Variants in BNC2 observed in about 807,000 individuals in gnomAD.
The protein encoded by BNC2 is basonuclin zinc finger protein 2.
In BNC2, 20 loss-of-function variants were observed where a neutral mutation model predicts 76.3. That is an observed-to-expected ratio of 0.26 (90% CI 0.18 to 0.38). The LOEUF (loss-of-function observed/expected upper bound fraction) is 0.38. Ranked by LOEUF, BNC2 falls within the 10% of genes least tolerant of loss-of-function variation. The pLI is 1.00. For synonymous variants in BNC2, 582 were observed against 514.8 expected, an observed-to-expected ratio of 1.13 and a Z score of -1.77; for missense variants, 1,382 against 1,399.8, an observed-to-expected ratio of 0.99 and a Z score of 0.20.
At chr9:16,448,453 A>G (rs1042662207) in intron 5 of BNC2, among the ~76,000 whole-genome samples, 3 of 152,164 alleles carry the variant, frequency 2.0e-5, no homozygotes, top group Admixed American at 6.6e-5. Context: ...TGCACAATCA[A>G]GATTACTGAT....
chr9:16,565,317 C>G (rs1396952810), intron 4 of BNC2, among the ~76,000 whole-genome samples: 1 of 152,184 alleles, frequency 6.6e-6, no homozygotes, highest in East Asian at 1.9e-4. Flanking sequence ...ACTTTCCAGT[C>G]TAGTAACTCT....
chr9:16,800,756 C>T (rs890036270), intron 1 of BNC2, among the ~76,000 whole-genome samples: 3 of 152,140 alleles, frequency 2.0e-5, no homozygotes, highest in African/African-American at 7.2e-5. Context: ...GAGGCACTGC[C>T]AACATCAACA....
intron 1 of BNC2, among the ~76,000 whole-genome samples, chr9:16,827,944 G>C (rs945269507): frequency 8.5e-5 from 13 of 152,124 alleles, no homozygotes; most frequent in African/African-American, 3.1e-4. Context: ...TCTTCATAAA[G>C]TGATCAAAGA....
intron 1 of BNC2, among the ~76,000 whole-genome samples, chr9:16,839,836 G>A (rs1818786868): frequency 6.6e-6 from 1 of 152,152 alleles, no homozygotes; most frequent in East Asian, 1.9e-4. Flanking sequence ...GTCAACCAAT[G>A]CGGTGTGGTG....
chr9:16,869,566 T>C (rs1388896905), intron 1 of BNC2, among the ~76,000 whole-genome samples: 2 of 152,210 alleles, frequency 1.3e-5, no homozygotes, highest in Admixed American at 6.5e-5. Flanking sequence ...TATTCTCATA[T>C]GTTCCCTCTA....
At chr9:16,674,455 C>T (rs950167280) in intron 3 of BNC2, among the ~76,000 whole-genome samples, 1 of 152,206 alleles carries the variant, frequency 6.6e-6, no homozygotes, top group East Asian at 1.9e-4. Context: ...AAAGGAGTAT[C>T]CTGGTGTCAT....
At chr9:16,867,042 C>A (rs1470770716) in intron 1 of BNC2, among the ~76,000 whole-genome samples, 1 of 152,086 alleles carries the variant, frequency 6.6e-6, no homozygotes, top group Non-Finnish European at 1.5e-5. Context: ...GCTTTATGTA[C>A]AGAATTCTAT....
At chr9:16,457,899 AGTG>A (rs1821489322) in intron 5 of BNC2, among the ~76,000 whole-genome samples, 1 of 152,112 alleles carries the variant, frequency 6.6e-6, no homozygotes, top group Non-Finnish European at 1.5e-5. Context: ...CAGATGCACT[AGTG>A]TTTCAGATCT....
intron 5 of BNC2, among the ~76,000 whole-genome samples, chr9:16,449,664 T>C (rs928621821): frequency 4.6e-5 from 7 of 152,248 alleles, no homozygotes; most frequent in African/African-American, 1.7e-4. Context: ...GAAATAAAAA[T>C]AAAAAGGCTT....
At chr9:16,865,501 G>A (rs1391741326) in intron 1 of BNC2, among the ~76,000 whole-genome samples, 1 of 152,156 alleles carries the variant, frequency 6.6e-6, no homozygotes, top group Non-Finnish European at 1.5e-5. Context: ...GTAAGTGATT[G>A]CAACTGTGAA....
At chr9:16,866,186 T>G (rs1323320680) in intron 1 of BNC2, among the ~76,000 whole-genome samples, 1 of 152,188 alleles carries the variant, frequency 6.6e-6, no homozygotes, top group African/African-American at 2.4e-5. Flanking sequence ...GTGGTAAATA[T>G]GAAATTAAAT....
intron 3 of BNC2, among the ~76,000 whole-genome samples, chr9:16,637,359 G>C (rs1821358350): frequency 6.6e-6 from 1 of 152,156 alleles, no homozygotes; most frequent in Non-Finnish European, 1.5e-5. Flanking sequence ...GAGAGATTCA[G>C]CAAGCATTCT....
At chr9:16,851,985 TATA>T (rs111610771) in intron 1 of BNC2, among the ~76,000 whole-genome samples, 21,425 of 152,120 alleles carry the variant, frequency 0.14, 2,148 homozygotes, top group African/African-American at 0.28. Flanking sequence ...GAATCTCATA[TATA>T]ATATTTCACT....
chr9:16,505,840 T>C (rs1175846811), intron 5 of BNC2, among the ~76,000 whole-genome samples: 1 of 152,186 alleles, frequency 6.6e-6, no homozygotes, highest in Non-Finnish European at 1.5e-5. Context: ...AGTCAGTTTC[T>C]GAAGCTGTAA....
At chr9:16,498,541 T>C (rs970527061) in intron 5 of BNC2, among the ~76,000 whole-genome samples, 9 of 151,420 alleles carry the variant, frequency 5.9e-5, no homozygotes, top group Non-Finnish European at 1.3e-4. Context: ...GGGTGAGGGA[T>C]AAAAGACTAC....
intron 4 of BNC2, among the ~76,000 whole-genome samples, chr9:16,570,619 G>A (rs927350274): frequency 6.6e-6 from 1 of 152,134 alleles, no homozygotes; most frequent in African/African-American, 2.4e-5. Flanking sequence ...CTAACCTAAC[G>A]AAATCTTAAA....
chr9:16,799,097 C>T (rs563188241), intron 1 of BNC2, among the ~76,000 whole-genome samples: 42 of 152,184 alleles, frequency 2.8e-4, no homozygotes, highest in African/African-American at 1.0e-3. Context: ...ATGTCAAAAT[C>T]AGTTATAATG....
intron 6 of BNC2, among the ~76,000 whole-genome samples, chr9:16,424,672 T>G (rs973965880): frequency 6.6e-5 from 10 of 152,172 alleles, no homozygotes; most frequent in South Asian, 4.1e-4. Context: ...GAGAGAGAGA[T>G]AAATTTATAT....
chr9:16,667,273 G>T (rs1335069849), intron 3 of BNC2, among the ~76,000 whole-genome samples: 2 of 152,184 alleles, frequency 1.3e-5, no homozygotes, highest in Non-Finnish European at 2.9e-5. Context: ...AATTTGGAGT[G>T]CTGTCTATGT....
Sources: gnomAD v4.1 joint callset for allele counts (sites outside exome capture counted in the v4.1 genomes callset) on GRCh38, gnomAD v4.1.1 for gene constraint, MANE v1.5 for transcripts, NCBI Gene and HGNC (gene_info 2026-07-23, HGNC 2026-07-21) for gene names.